The following ATIC variants were observed in gnomAD, a reference collection of about 807,000 sequenced individuals.
ATIC encodes the protein 5-aminoimidazole-4-carboxamide ribonucleotide formyltransferase/IMP cyclohydrolase.
Under a neutral mutation model 72.5 loss-of-function variants are expected in ATIC, and 64 were observed. The ratio of observed to expected loss-of-function variants is 0.88; its 90% confidence interval spans 0.72 to 1.09. The LOEUF is 1.09. Ranked by LOEUF, ATIC falls within the 50% of genes least tolerant of loss-of-function variation. The pLI is 0.00. For synonymous variants in ATIC, 281 were observed against 267.1 expected, an observed-to-expected ratio of 1.05 and a Z score of -0.51; for missense variants, 787 against 732.4, an observed-to-expected ratio of 1.07 and a Z score of -0.86.
At chr2:215,337,289 G>T (rs534488812) in intron 11 of ATIC, among the ~76,000 whole-genome samples, 8 of 152,180 alleles carry the variant, frequency 5.3e-5, no homozygotes, top group African/African-American at 1.9e-4. Flanking sequence ...TCTTTTGATT[G>T]TAAGATACCA....
At chr2:215,356,970 G>A in the ATIC span, among the ~76,000 whole-genome samples, 2 of 152,224 alleles carry the variant, frequency 1.3e-5, no homozygotes, top group East Asian at 1.9e-4. Flanking sequence ...CTGTGAAGTC[G>A]TATGGTAACT....
At chr2:215,367,135 A>T in the ATIC span, among the ~76,000 whole-genome samples, 2 of 152,248 alleles carry the variant, frequency 1.3e-5, no homozygotes, top group Admixed American at 1.3e-4. Flanking sequence ...CACCTATAAA[A>T]ATGAACCAAT....
chr2:215,358,217 CATTTT>C, the ATIC span, among the ~76,000 whole-genome samples: 2 of 152,164 alleles, frequency 1.3e-5, no homozygotes, highest in African/African-American at 2.4e-5. Context: ...TAAAATGTAA[CATTTT>C]ATTACAAATC....
Position 215,349,688 on chromosome 2 carries a change from G to T in ATIC, c.*33G>T, listed in dbSNP as rs907318744. ...ACACACTGTTTTTTGGCTTGCTTAT[G>T]TGTAGGTGAACAGTCACGCCTGAAA... On this transcript the variant is annotated 3_prime_UTR_variant, in exon 16 of 16. Coordinates refer to ENST00000236959, the MANE Select transcript of ATIC (RefSeq NM_004044.7). 34 of 1,614,022 alleles carry T rather than the reference G, an allele frequency of 2.1e-5. No individual in the cohort carries two copies. The highest frequency in any genetic ancestry group is 2.7e-5 in the Non-Finnish European group (32 of 1,180,004).
intron 1 of ATIC, 168 bp from the exon 2 acceptor site, chr2:215,312,330 A>G (rs908752151): frequency 1.0e-4 from 153 of 1,489,844 alleles, no homozygotes; most frequent in Non-Finnish European, 1.4e-4. Flanking sequence ...CCCGCCTTAG[A>G]GCAGCTCGCG....
the ATIC span, chr2:215,368,075 A>G: frequency 8.2e-6 from 13 of 1,587,588 alleles, no homozygotes; most frequent in Non-Finnish European, 1.1e-5. Context: ...TTATTAATCG[A>G]TTTGGACCAT....
downstream of ATIC, chr2:215,349,829 C>T (rs1268270352): frequency 6.9e-6 from 8 of 1,157,444 alleles, no homozygotes; most frequent in Admixed American, 1.7e-4. Context: ...ACACATGACA[C>T]ATAACACATA....
At position 215,327,349 on chromosome 2, in the gene ATIC, A is replaced by G. The variant is rs1233730409; in HGVS notation, c.688+371A>G. ...GCAGAAGAAAAGTTGTGAAATTCCA[A>G]CCTTTTAGAATGCATTTGAGAACAG... On this transcript the variant is annotated intron_variant, in intron 7 of 15. Coordinates refer to ENST00000236959, the MANE Select transcript of ATIC (RefSeq NM_004044.7). Among the ~76,000 whole-genome samples the G allele has an allele frequency of 2.6e-5, 4 of 152,106 alleles. No individual in the cohort carries two copies. The East Asian group carries it at 5.8e-4, about 22-fold the overall frequency.
downstream of ATIC, among the ~76,000 whole-genome samples, chr2:215,353,849 A>G (rs1235950517): frequency 1.3e-5 from 2 of 152,128 alleles, no homozygotes; most frequent in Admixed American, 6.6e-5. Context: ...GGCATGAGCC[A>G]CTGCACCTGG....
At chr2:215,330,230 T>G (rs538047250) in intron 7 of ATIC, among the ~76,000 whole-genome samples, 19 of 152,240 alleles carry the variant, frequency 1.2e-4, no homozygotes, top group Non-Finnish European at 2.6e-4. Flanking sequence ...ACTTCTATTG[T>G]TTACTATTTA....
intron 9 of ATIC, 77 bp downstream of exon 9, chr2:215,333,534 G>C (rs2052918987): frequency 3.5e-6 from 4 of 1,146,208 alleles, no homozygotes; most frequent in Non-Finnish European, 5.0e-6. Flanking sequence ...AAAGAGGATA[G>C]AATAAAGAAA....
intron 1 of ATIC, 50 bp downstream of exon 1, chr2:215,312,211 C>A: frequency 1.4e-6 from 2 of 1,477,162 alleles, no homozygotes; most frequent in Non-Finnish European, 8.9e-7. Flanking sequence ...TGCGGCCCCC[C>A]ACGCTCCCGC....
downstream of ATIC, among the ~76,000 whole-genome samples, chr2:215,352,020 C>T (rs746311434): frequency 3.3e-5 from 5 of 152,086 alleles, no homozygotes; most frequent in Non-Finnish European, 5.9e-5. Flanking sequence ...TTCCTACTGT[C>T]AAGATCATCA....
At position 215,312,491 on chromosome 2, in the gene ATIC, C is replaced by A. The variant is rs958113072; in HGVS notation, c.20-7C>A. On this transcript the variant is annotated splice_region_variant and splice_polypyrimidine_tract_variant and intron_variant, in intron 1 of 15. Transcript: ENST00000236959. Reference sequence around the variant, plus strand: ...CGAATCATGAGAAAAAATGTCTTCTCTTTCAGCCTTATTTAGTGTCTCTGA... The same window carrying A: ...CGAATCATGAGAAAAAATGTCTTCTATTTCAGCCTTATTTAGTGTCTCTGA... The A allele has an allele frequency of 6.2e-7, 1 of 1,614,220 alleles. No individual in the cohort carries two copies. Among genetic ancestry groups the A allele is most frequent in the East Asian group, 2.2e-5 (1 of 44,878 alleles).
intron 4 of ATIC, among the ~76,000 whole-genome samples, chr2:215,322,802 A>G (rs900550723): frequency 6.6e-6 from 1 of 152,044 alleles, no homozygotes; most frequent in Non-Finnish European, 1.5e-5. Flanking sequence ...TCTTTGCCCA[A>G]TCGAATGGTC....
chr2:215,317,488 G>T (rs1244186059), intron 2 of ATIC, among the ~76,000 whole-genome samples: 52 of 152,052 alleles, frequency 3.4e-4, no homozygotes, highest in African/African-American at 1.2e-3. Flanking sequence ...TTCATGTGTT[G>T]TTGTTGTTGT....
Position 215,344,835 on chromosome 2 carries a change from T to G in ATIC, c.1284T>G (p.Thr428=). 6.2e-7 allele frequency: 1 copy of G among 1,613,986 alleles called. No homozygotes were observed. The highest frequency in any genetic ancestry group is 1.1e-5 in the South Asian group (1 of 91,068). The change falls in exon 13 of 16, where the codon ACT becomes ACG. Residue 428 remains threonine (T), a synonymous_variant. Transcript: ENST00000236959. ...LIVATIAVKY[T]QSNSVCYAKN... Reference sequence around the variant, plus strand: ...TAGCCACCATTGCTGTCAAGTACACTCAGTCTAACTCTGTGTGCTACGCCA... The same window carrying G: ...TAGCCACCATTGCTGTCAAGTACACGCAGTCTAACTCTGTGTGCTACGCCA...
chr2:215,347,306 G>A (rs1007682625), intron 14 of ATIC: 4 of 379,700 alleles, frequency 1.1e-5, no homozygotes, highest in Non-Finnish European at 2.0e-5. Flanking sequence ...CTGTCCGATG[G>A]GTCTGTATTC....
chr2:215,326,114 G>A lies in ATIC; in HGVS notation c.507G>A (p.Glu169=). 1.2e-6 allele frequency: 2 copies of A among 1,614,120 alleles called. No individual in the cohort carries two copies. The highest frequency in any genetic ancestry group is 1.7e-6 in the Non-Finnish European group (2 of 1,179,998). The part of the protein sequence containing the change: ...QSSESKDTSL[E]TRRQLALKAF... ...CCGAGAGTAAGGACACCTCCTTGGA[G>A]ACTAGACGCCAGTTAGCCTTGAAGG... Residue 169 remains glutamate, a synonymous_variant, in exon 6 of 16, where the codon GAG becomes GAA. Coordinates refer to ENST00000236959, the MANE Select transcript of ATIC (RefSeq NM_004044.7).
Sources: allele counts gnomAD v4.1 joint callset (sites outside exome capture counted in the v4.1 genomes callset), GRCh38; gene constraint gnomAD v4.1.1; transcripts MANE v1.5; gene names NCBI Gene and HGNC (gene_info 2026-07-23, HGNC 2026-07-21).